The following LUZP2 variants were observed in gnomAD, a reference collection of about 807,000 sequenced individuals.
LUZP2 encodes leucine zipper protein 2.
In LUZP2, 52 loss-of-function variants were observed where a neutral mutation model predicts 51.6. That is an observed-to-expected ratio of 1.01 (90% CI 0.81 to 1.27). The LOEUF (loss-of-function observed/expected upper bound fraction) is 1.27, where lower values mean the gene tolerates loss of function less well. Ranked by LOEUF, LUZP2 falls within the 50% of genes most tolerant of loss-of-function variation. The pLI, the probability that LUZP2 is intolerant of heterozygous loss-of-function variation, is 0.00. For synonymous variants in LUZP2, 154 were observed against 137.3 expected, an observed-to-expected ratio of 1.12 and a Z score of -0.85; for missense variants, 436 against 395.4, an observed-to-expected ratio of 1.10 and a Z score of -0.87.
At chr11:24,785,403 T>C (rs1849215638) in intron 5 of LUZP2, among the ~76,000 whole-genome samples, 2 of 152,034 alleles carry the variant, frequency 1.3e-5, no homozygotes, top group South Asian at 2.1e-4. Context: ...CCATCTTCAA[T>C]TGCAAGTGTC....
At chr11:24,511,103 G>T (rs76934417) in intron 1 of LUZP2, among the ~76,000 whole-genome samples, 1,905 of 152,206 alleles carry the variant, frequency 0.013, 48 homozygotes, top group African/African-American at 0.043. Flanking sequence ...ATATATTCAG[G>T]TAAGAATATA....
At position 24,587,413 on chromosome 11, in the gene LUZP2, G is replaced by C. The variant is rs755811383; in HGVS notation, c.62+90108G>C. 5.9e-5 allele frequency among the ~76,000 whole-genome samples: 9 copies of C among 152,178 alleles called. No homozygotes were observed. In the South Asian group the frequency reaches 1.0e-3, roughly 18 times the overall value. ...CAATCACTCTTCCAAGGTGAGAGAT[G>C]GGGGAGGGGTCAAGAAGCCTGAGCG... is the stretch of plus-strand genomic sequence containing the variant. On this transcript the variant is annotated intron_variant, in intron 1 of 11. Coordinates refer to ENST00000336930, the MANE Select transcript of LUZP2 (RefSeq NM_001009909.4).
At chr11:24,541,988 G>T in intron 1 of LUZP2, among the ~76,000 whole-genome samples, 1 of 151,940 alleles carries the variant, frequency 6.6e-6, no homozygotes, top group East Asian at 1.9e-4. Flanking sequence ...AGACAGAATG[G>T]ATTTATGTTT....
chr11:24,879,300 T>C (rs1852377945), intron 5 of LUZP2, among the ~76,000 whole-genome samples: 1 of 152,202 alleles, frequency 6.6e-6, no homozygotes, highest in Non-Finnish European at 1.5e-5. Context: ...TACCACATTT[T>C]CTTTATCCAG....
intron 1 of LUZP2, among the ~76,000 whole-genome samples, chr11:24,694,390 C>T (rs1857175290): frequency 6.6e-6 from 1 of 152,070 alleles, no homozygotes; most frequent in Non-Finnish European, 1.5e-5. Flanking sequence ...CCTTGACTAC[C>T]TTACTCAACA....
At chr11:24,628,156 T>C (rs943320337) in intron 1 of LUZP2, among the ~76,000 whole-genome samples, 1 of 152,016 alleles carries the variant, frequency 6.6e-6, no homozygotes, top group Non-Finnish European at 1.5e-5. Context: ...CAGATAATTC[T>C]TGTAAAATTA....
intron 5 of LUZP2, among the ~76,000 whole-genome samples, chr11:24,766,158 T>C (rs977191648): frequency 1.3e-5 from 2 of 152,174 alleles, no homozygotes; most frequent in African/African-American, 4.8e-5. Flanking sequence ...CTGTTATGAC[T>C]TAACAAAAGC....
At chr11:24,787,944 G>A (rs1407879407) in intron 5 of LUZP2, among the ~76,000 whole-genome samples, 2 of 151,870 alleles carry the variant, frequency 1.3e-5, no homozygotes, top group Non-Finnish European at 2.9e-5. Context: ...CTTTCTTAAA[G>A]CAAGTTTTCC....
chr11:24,576,205 G>A (rs973532526), intron 1 of LUZP2, among the ~76,000 whole-genome samples: 9 of 151,928 alleles, frequency 5.9e-5, no homozygotes, highest in Non-Finnish European at 8.8e-5. Context: ...GAGGTCAGGA[G>A]TTCGAGAGCA....
Position 25,080,628 on chromosome 11 carries a change from C to G in LUZP2, c.*1970C>G, listed in dbSNP as rs1157923742. ...ACAAACTAGAATACTGCTAGTCTCCCAAGTCCTGTTCCTTGTAATTCTCCC... is the reference window on the plus strand; with the variant it reads ...ACAAACTAGAATACTGCTAGTCTCCGAAGTCCTGTTCCTTGTAATTCTCCC... On this transcript the variant is annotated 3_prime_UTR_variant, in exon 12 of 12. Coordinates refer to ENST00000336930, the MANE Select transcript of LUZP2 (RefSeq NM_001009909.4). 6.6e-6 allele frequency: 1 copy of G among 152,056 alleles called. No homozygotes were observed. Among genetic ancestry groups the G allele is most frequent in the African/African-American group, 2.4e-5 (1 of 41,392 alleles). The allele number at this position is 152,056 out of a possible 1,614,324, so 9.4% of individuals were successfully genotyped here. A position where few individuals can be genotyped will look rare whatever the true frequency, so the allele number is the denominator to read the frequency against.
intron 5 of LUZP2, among the ~76,000 whole-genome samples, chr11:24,844,635 A>C (rs1336646223): frequency 6.6e-6 from 1 of 152,114 alleles, no homozygotes; most frequent in East Asian, 1.9e-4. Flanking sequence ...AGCCCATCCC[A>C]TCACAGGCCT....
chr11:24,874,227 G>A (rs544321684), intron 5 of LUZP2, among the ~76,000 whole-genome samples: 1 of 152,222 alleles, frequency 6.6e-6, no homozygotes, highest in Admixed American at 6.5e-5. Flanking sequence ...TTATTAACAA[G>A]TACCCTAGTT....
intron 9 of LUZP2, among the ~76,000 whole-genome samples, chr11:25,011,966 T>A (rs2133959215): frequency 6.6e-6 from 1 of 152,220 alleles, no homozygotes; most frequent in South Asian, 2.1e-4. Context: ...AGATGGTTAA[T>A]AACAGGAAAG....
chr11:24,880,474 T>A (rs1015854205), intron 5 of LUZP2, among the ~76,000 whole-genome samples: 1 of 152,170 alleles, frequency 6.6e-6, no homozygotes, highest in African/African-American at 2.4e-5. Context: ...TAAACTGGTG[T>A]CTTTGTTAGG....
intron 5 of LUZP2, among the ~76,000 whole-genome samples, chr11:24,814,340 G>A (rs926083228): frequency 3.2e-4 from 48 of 152,014 alleles, no homozygotes; most frequent in Admixed American, 3.0e-3. Flanking sequence ...ATGTATTGAA[G>A]GGGTGAATGA....
chr11:24,651,277 G>A (rs1434812744), intron 1 of LUZP2, among the ~76,000 whole-genome samples: 2 of 152,062 alleles, frequency 1.3e-5, no homozygotes, highest in South Asian at 2.1e-4. Context: ...AAGCATATTA[G>A]TTCATTCCTT....
At chr11:24,563,426 ACAAG>A (rs1852118908) in intron 1 of LUZP2, among the ~76,000 whole-genome samples, 1 of 152,220 alleles carries the variant, frequency 6.6e-6, no homozygotes, top group Non-Finnish European at 1.5e-5. Flanking sequence ...AATTTAATAC[ACAAG>A]CAAACTTAAG....
At chr11:24,566,917 A>AG (rs1852257264) in intron 1 of LUZP2, among the ~76,000 whole-genome samples, 1 of 12,460 alleles carries the variant, frequency 8.0e-5, no homozygotes, top group African/African-American at 2.6e-4. Flanking sequence ...ATATATATAT[A>AG]TGTATATATG....
At chr11:24,739,806 C>T (rs1311072771) in intron 4 of LUZP2, among the ~76,000 whole-genome samples, 1 of 152,112 alleles carries the variant, frequency 6.6e-6, no homozygotes, top group Admixed American at 6.6e-5. Flanking sequence ...AAGTACAAAA[C>T]TGTTTCATGT....
Sources: allele counts gnomAD v4.1 joint callset (sites outside exome capture counted in the v4.1 genomes callset), GRCh38; gene constraint gnomAD v4.1.1; transcripts MANE v1.5; gene names NCBI Gene and HGNC (gene_info 2026-07-23, HGNC 2026-07-21).